Variants in DNAJC25 observed in about 807,000 individuals in gnomAD.
DNAJC25 encodes dnaJ homolog subfamily C member 25.
A neutral mutation model predicts 42.1 loss-of-function variants in DNAJC25; 26 were observed. The observed-to-expected ratio is 0.62, with a 90% CI of 0.45 to 0.86. DNAJC25 has a LOEUF of 0.86. Among genes scored for constraint, DNAJC25 ranks in the 40% least tolerant of loss-of-function variants. The pLI, the probability that DNAJC25 is intolerant of heterozygous loss-of-function variation, is 0.00. For missense variants in DNAJC25, 404 were observed against 459.4 expected (o/e 0.88, Z 1.10); for synonymous variants, 189 against 179.9 (o/e 1.05, Z -0.40).
Position 111,631,481 on chromosome 9 carries a change from C to T in DNAJC25, c.74C>T (p.Pro25Leu). The T allele has an allele frequency of 5.3e-6, 7 of 1,323,398 alleles. No homozygotes were observed. Among genetic ancestry groups the T allele is most frequent in the Non-Finnish European group, 6.7e-6 (7 of 1,043,418 alleles). The allele number at this position is 1,323,398 out of a possible 1,614,324, so 82.0% of individuals were successfully genotyped here. A position where few individuals can be genotyped will look rare whatever the true frequency, so the allele number is the denominator to read the frequency against. The change falls in exon 1 of 4, where the codon CCC becomes CTC. Residue 25 changes from proline to leucine, a missense_variant. Pro to Leu is a moderately conservative substitution (Grantham distance 98, BLOSUM62 -3). Transcript: ENST00000313525. ...AGRRWWMLLA[P>L]LLPALLLVRP... is the part of the protein sequence containing the mutation. ...CGGCGCTGGTGGATGCTGCTGGCGC[C>T]CCTGCTGCCGGCGCTGCTGCTGGTG... is the stretch of plus-strand genomic sequence containing the variant.
chr9:111,637,164 T>G (rs1457903794), intron 1 of DNAJC25, among the ~76,000 whole-genome samples: 4 of 152,220 alleles, frequency 2.6e-5, no homozygotes, highest in Non-Finnish European at 5.9e-5. Context: ...AGACCCTTAC[T>G]GTTTTTCATA....
chr9:111,634,102 TG>T (rs1456793120), intron 1 of DNAJC25, among the ~76,000 whole-genome samples: 1 of 152,190 alleles, frequency 6.6e-6, no homozygotes, highest in African/African-American at 2.4e-5. Flanking sequence ...ACAAAAGGGA[TG>T]TCTGGAGATA....
intron 1 of DNAJC25, among the ~76,000 whole-genome samples, chr9:111,638,621 G>A (rs146489286): frequency 6.6e-6 from 1 of 151,522 alleles, no homozygotes; most frequent in South Asian, 2.1e-4. Flanking sequence ...CATTGTCTAC[G>A]TAGTAACTCT....
At chr9:111,633,253 T>C (rs919497375) in intron 1 of DNAJC25, among the ~76,000 whole-genome samples, 1 of 152,138 alleles carries the variant, frequency 6.6e-6, no homozygotes, top group Non-Finnish European at 1.5e-5. Context: ...GTAAAATTGA[T>C]AGGATTAGGG....
At chr9:111,636,306 G>A (rs1328146397) in intron 1 of DNAJC25, among the ~76,000 whole-genome samples, 2 of 152,114 alleles carry the variant, frequency 1.3e-5, no homozygotes, top group Non-Finnish European at 2.9e-5. Context: ...GTTTCATGAG[G>A]TATTATAGTA....
intron 1 of DNAJC25, among the ~76,000 whole-genome samples, chr9:111,640,116 C>T (rs1170592884): frequency 2.8e-5 from 4 of 144,790 alleles, no homozygotes; most frequent in Non-Finnish European, 6.0e-5. Flanking sequence ...TTGGTGGAGA[C>T]GGGGTTTCGC....
intron 3 of DNAJC25, 77 bp from the exon 4 acceptor site, chr9:111,653,023 A>G (rs1470344530): frequency 1.4e-6 from 2 of 1,384,818 alleles, no homozygotes; most frequent in African/African-American, 2.9e-5. Context: ...ATGTTAGAAA[A>G]ATGTAAATAT....
At chr9:111,644,473 G>A (rs191714522) in intron 1 of DNAJC25, among the ~76,000 whole-genome samples, 14 of 152,182 alleles carry the variant, frequency 9.2e-5, no homozygotes, top group African/African-American at 3.4e-4. Context: ...TCTACGTTCT[G>A]TAGAACAGAG....
At chr9:111,633,793 A>G (rs1299232712) in intron 1 of DNAJC25, among the ~76,000 whole-genome samples, 1 of 152,156 alleles carries the variant, frequency 6.6e-6, no homozygotes, top group East Asian at 1.9e-4. Flanking sequence ...GATCTGATGA[A>G]TCTATATGGT....
At chr9:111,651,749 G>A (rs1443495219) in intron 3 of DNAJC25, among the ~76,000 whole-genome samples, 2 of 151,666 alleles carry the variant, frequency 1.3e-5, no homozygotes, top group Non-Finnish European at 2.9e-5. Flanking sequence ...AATTAACTGG[G>A]CGTGGTGGTG....
intron 1 of DNAJC25, chr9:111,642,761 G>A (rs1257655519): frequency 6.8e-6 from 3 of 440,256 alleles, no homozygotes; most frequent in Non-Finnish European, 1.4e-5. Flanking sequence ...TCTGGGGAGG[G>A]GGGATGACCC....
At chr9:111,632,181 G>C (rs948252717) in intron 1 of DNAJC25, among the ~76,000 whole-genome samples, 2 of 152,218 alleles carry the variant, frequency 1.3e-5, no homozygotes, top group Non-Finnish European at 2.9e-5. Flanking sequence ...TAATGGTGAC[G>C]CTTAGTTTGG....
At chr9:111,642,805 C>T (rs1564085110) in intron 1 of DNAJC25, 2 of 469,878 alleles carry the variant, frequency 4.3e-6, no homozygotes, top group Non-Finnish European at 4.4e-6. Context: ...ACTTTCTTTG[C>T]TTGTGGGTTT....
chr9:111,652,116 A>G (rs1300628514), intron 3 of DNAJC25, among the ~76,000 whole-genome samples: 1 of 152,196 alleles, frequency 6.6e-6, no homozygotes, highest in African/African-American at 2.4e-5. Flanking sequence ...TTAATATTAG[A>G]CATTAGTTGT....
At chr9:111,642,473 G>A (rs1274050265) in intron 1 of DNAJC25, among the ~76,000 whole-genome samples, 2 of 142,346 alleles carry the variant, frequency 1.4e-5, no homozygotes, top group Admixed American at 1.4e-4. Context: ...CAAACACTGC[G>A]GAAGGCCGCA....
chr9:111,633,039 T>A (rs1380977408), intron 1 of DNAJC25, among the ~76,000 whole-genome samples: 1 of 152,184 alleles, frequency 6.6e-6, no homozygotes, highest in Non-Finnish European at 1.5e-5. Flanking sequence ...GGGAAAGTGC[T>A]GAGGCCCCAA....
At chr9:111,633,904 C>A (rs979145122) in intron 1 of DNAJC25, among the ~76,000 whole-genome samples, 27 of 152,138 alleles carry the variant, frequency 1.8e-4, no homozygotes, top group Non-Finnish European at 4.0e-4. Flanking sequence ...AACGTTTAGG[C>A]AGTTAAAGAC....
Position 111,649,578 on chromosome 9 carries a change from C to T in DNAJC25, c.615C>T (p.Gly205=). The change falls in exon 3 of 4, where the codon GGC becomes GGT. Residue 205 remains glycine, a synonymous_variant. Coordinates refer to ENST00000313525, the MANE Select transcript of DNAJC25 (RefSeq NM_001015882.3). Reference sequence around the variant, plus strand: ...TGCTCAAAAAAGCCAAAGAAAAAGGCAAAAACAAAAAGTCCAAAGAAGAAA... The same window carrying T: ...TGCTCAAAAAAGCCAAAGAAAAAGGTAAAAACAAAAAGTCCAAAGAAGAAA... ...QGLLKKAKEK[G]KNKKSKEEIR... 1 of 1,613,788 alleles carries T rather than the reference C, an allele frequency of 6.2e-7. No individual in the cohort carries two copies. Among genetic ancestry groups the T allele is most frequent in the Non-Finnish European group, 8.5e-7 (1 of 1,179,940 alleles).
At chr9:111,642,610 T>TAAATAAAA (rs1564084986) in intron 1 of DNAJC25, among the ~76,000 whole-genome samples, 2 of 62,912 alleles carry the variant, frequency 3.2e-5, no homozygotes, top group African/African-American at 2.8e-4. Context: ...TATCAATAAA[T>TAAATAAAA]AAATAAATAA....
Sources: gnomAD v4.1 joint callset for allele counts (sites outside exome capture counted in the v4.1 genomes callset) on GRCh38, gnomAD v4.1.1 for gene constraint, MANE v1.5 for transcripts, NCBI Gene and HGNC (gene_info 2026-07-23, HGNC 2026-07-21) for gene names.